The following C21orf91 variants were observed in gnomAD, a reference collection of about 807,000 sequenced individuals.
The protein encoded by C21orf91 is chromosome 21 open reading frame 91.
C21orf91 carries 26 observed loss-of-function variants against 32.9 expected under a neutral mutation model. That is an observed-to-expected ratio of 0.79 (90% CI 0.58 to 1.10). C21orf91 has a LOEUF of 1.10. Among genes scored for constraint, C21orf91 ranks in the 50% least tolerant of loss-of-function variants. The pLI is 0.00. For synonymous variants in C21orf91, 126 were observed against 120.4 expected (o/e 1.05, Z -0.31); for missense variants, 310 against 341.3 (o/e 0.91, Z 0.72).
At chr21:17,802,184 G>A (rs965258829) in intron 2 of C21orf91, among the ~76,000 whole-genome samples, 4 of 152,076 alleles carry the variant, frequency 2.6e-5, no homozygotes, top group African/African-American at 7.2e-5. Context: ...TTTTTGAGAC[G>A]GAGTCTCGCC....
intron 2 of C21orf91, among the ~76,000 whole-genome samples, chr21:17,814,322 T>C (rs1175445563): frequency 6.6e-6 from 1 of 152,078 alleles, no homozygotes; most frequent in Non-Finnish European, 1.5e-5. Context: ...CATATTAGAG[T>C]ATTTGATCAC....
intron 2 of C21orf91, among the ~76,000 whole-genome samples, chr21:17,809,309 C>G (rs1326726173): frequency 1.3e-5 from 2 of 152,128 alleles, no homozygotes; most frequent in Non-Finnish European, 2.9e-5. Flanking sequence ...AATATAAAAA[C>G]TTTAAAGTAT....
intron 2 of C21orf91, among the ~76,000 whole-genome samples, chr21:17,807,369 C>T (rs1316425162): frequency 2.0e-5 from 3 of 152,160 alleles, no homozygotes; most frequent in African/African-American, 7.2e-5. Context: ...TTTTCTGAGG[C>T]CTCCCCAGCT....
At chr21:17,800,070 A>G (rs2062548283) in intron 2 of C21orf91, among the ~76,000 whole-genome samples, 1 of 152,144 alleles carries the variant, frequency 6.6e-6, no homozygotes, top group Admixed American at 6.5e-5. Context: ...TTCCTGTGGC[A>G]TCATTCAATC....
chr21:17,809,497 C>A (rs992621719), intron 2 of C21orf91, among the ~76,000 whole-genome samples: 10 of 152,106 alleles, frequency 6.6e-5, no homozygotes, highest in Non-Finnish European at 1.3e-4. Flanking sequence ...TAGCAATTAT[C>A]ATTCATTAAG....
Position 17,789,412 on chromosome 21 carries a change from C to T in C21orf91, c.*4003G>A, listed in dbSNP as rs970085207. 1 of 152,048 alleles carries T rather than the reference C, an allele frequency of 6.6e-6. No homozygotes were observed. Among genetic ancestry groups the T allele is most frequent in the African/African-American group, 2.4e-5 (1 of 41,412 alleles). The allele number at this position is 152,048 out of a possible 1,614,324, so 9.4% of individuals were successfully genotyped here. On this transcript the variant is annotated 3_prime_UTR_variant, in exon 5 of 5. Transcript: ENST00000284881. ...AGGTACACACACTTACTAAAATTCC[C>T]CTTTGCTTTAGGTGTAGTTGAGGGA...
intron 2 of C21orf91, among the ~76,000 whole-genome samples, chr21:17,807,088 T>C (rs1015691161): frequency 6.6e-6 from 1 of 152,198 alleles, no homozygotes; most frequent in Non-Finnish European, 1.5e-5. Flanking sequence ...ATTTTATCTA[T>C]ACTGTATTTA....
chr21:17,804,031 T>A (rs2062579559), intron 2 of C21orf91, among the ~76,000 whole-genome samples: 1 of 152,218 alleles, frequency 6.6e-6, no homozygotes, highest in Non-Finnish European at 1.5e-5. Flanking sequence ...CCTGTGACCC[T>A]GCAGGCTCCA....
chr21:17,798,093 AC>A (rs2062533214), intron 2 of C21orf91, among the ~76,000 whole-genome samples: 1 of 152,104 alleles, frequency 6.6e-6, no homozygotes, highest in Non-Finnish European at 1.5e-5. Flanking sequence ...GCCAGAATTA[AC>A]CAGTTTAAAT....
chr21:17,798,339 T>TAC (rs2062535309), intron 2 of C21orf91, among the ~76,000 whole-genome samples: 1 of 152,206 alleles, frequency 6.6e-6, no homozygotes, highest in African/African-American at 2.4e-5. Context: ...ATTAATGTTT[T>TAC]TAAAAATATA....
chr21:17,807,972 A>C (rs2062609274), intron 2 of C21orf91, among the ~76,000 whole-genome samples: 1 of 152,248 alleles, frequency 6.6e-6, no homozygotes, highest in South Asian at 2.1e-4. Context: ...GTGGTAGAAA[A>C]GAAAAGCTCA....
intron 1 of C21orf91, 80 bp from the exon 2 acceptor site, chr21:17,818,405 G>A: frequency 3.5e-6 from 4 of 1,158,750 alleles, no homozygotes; most frequent in Non-Finnish European, 4.9e-6. Context: ...GGAACTTCTA[G>A]GAAATAAGGA....
At chr21:17,801,861 T>G (rs567316646) in intron 2 of C21orf91, among the ~76,000 whole-genome samples, 34 of 152,266 alleles carry the variant, frequency 2.2e-4, no homozygotes, top group African/African-American at 7.9e-4. Context: ...AAAGGGTTTC[T>G]TCTCACTAGA....
chr21:17,803,084 T>C (rs1420347730), intron 2 of C21orf91, among the ~76,000 whole-genome samples: 2 of 152,178 alleles, frequency 1.3e-5, no homozygotes, highest in Non-Finnish European at 2.9e-5. Flanking sequence ...TGCTAAATGG[T>C]GGGCTTATGT....
intron 2 of C21orf91, among the ~76,000 whole-genome samples, chr21:17,806,311 G>T (rs2062593544): frequency 6.6e-6 from 1 of 152,224 alleles, no homozygotes; most frequent in East Asian, 1.9e-4. Flanking sequence ...ACGAAGAATA[G>T]TTGGGAGGAG....
intron 2 of C21orf91, among the ~76,000 whole-genome samples, chr21:17,809,713 T>C (rs956863175): frequency 1.1e-4 from 17 of 152,328 alleles, no homozygotes; most frequent in African/African-American, 3.8e-4. Flanking sequence ...GTAAGCCTCA[T>C]GATTTTGGGG....
intron 2 of C21orf91, among the ~76,000 whole-genome samples, chr21:17,802,855 T>C (rs376824228): frequency 1.4e-4 from 21 of 152,256 alleles, no homozygotes; most frequent in East Asian, 5.8e-4. Context: ...AATTAGACTA[T>C]ATGTTGAATT....
At chr21:17,794,236 GATCTCTGTAAGCAACTTAAC>G (rs1568748104) in intron 4 of C21orf91, among the ~76,000 whole-genome samples, 1 of 152,166 alleles carries the variant, frequency 6.6e-6, no homozygotes, top group Non-Finnish European at 1.5e-5. Context: ...TTGGATGCAT[GATCTCTGTAAGCAACTTAAC>G]ATCTCTGAAG....
chr21:17,814,009 A>T (rs2062649752), intron 2 of C21orf91: 1 of 152,226 alleles, frequency 6.6e-6, no homozygotes, highest in Non-Finnish European at 1.5e-5. Flanking sequence ...TAGCTTAAAA[A>T]AAAAAGGTTT....
Sources: allele counts gnomAD v4.1 joint callset (sites outside exome capture counted in the v4.1 genomes callset), GRCh38; gene constraint gnomAD v4.1.1; transcripts MANE v1.5; gene names NCBI Gene and HGNC (gene_info 2026-07-23, HGNC 2026-07-21).